Variants in LRRIQ1 observed in about 807,000 individuals in gnomAD.
LRRIQ1 encodes leucine rich repeats and IQ motif containing 1.
LRRIQ1 carries 210 observed loss-of-function variants against 211.9 expected under a neutral mutation model. The ratio of observed to expected loss-of-function variants is 0.99; its 90% CI spans 0.89 to 1.11. The LOEUF is 1.11. Ranked by LOEUF, LRRIQ1 falls within the 50% of genes most tolerant of loss-of-function variation. The pLI is 0.00. For missense variants in LRRIQ1, 2,136 were observed against 1,939.5 expected (o/e 1.10, Z -1.90); for synonymous variants, 699 against 650.1 (o/e 1.08, Z -1.14).
downstream of LRRIQ1, among the ~76,000 whole-genome samples, chr12:85,248,267 G>T (rs1272677752): frequency 8.6e-5 from 13 of 151,482 alleles, no homozygotes; most frequent in African/African-American, 3.1e-4. Context: ...TAACTAATTT[G>T]CTTTTCACAC....
At chr12:85,257,365 G>T (rs1393086671) in intron 1 of LRRIQ1, among the ~76,000 whole-genome samples, 2 of 147,996 alleles carry the variant, frequency 1.4e-5, no homozygotes, top group East Asian at 4.0e-4. Context: ...CCCTGAAGAG[G>T]ACATTAAAAA....
At chr12:85,183,054 A>G (rs1379250206) in intron 24 of LRRIQ1, among the ~76,000 whole-genome samples, 1 of 152,196 alleles carries the variant, frequency 6.6e-6, no homozygotes, top group Non-Finnish European at 1.5e-5. Flanking sequence ...GTTTCTTATT[A>G]TAAAATAAAA....
intron 19 of LRRIQ1, among the ~76,000 whole-genome samples, chr12:85,146,892 T>G (rs1254755350): frequency 2.6e-5 from 4 of 151,752 alleles, no homozygotes; most frequent in Non-Finnish European, 4.4e-5. Flanking sequence ...CCAGGAATAG[T>G]CAGGATAGAA....
chr12:85,188,846 T>C (rs1403970844), intron 24 of LRRIQ1, among the ~76,000 whole-genome samples: 2 of 152,160 alleles, frequency 1.3e-5, no homozygotes, highest in African/African-American at 4.8e-5. Context: ...AGTTCTTTAC[T>C]ATCACCTCTA....
At chr12:85,225,353 A>G (rs1328205141) in intron 24 of LRRIQ1, among the ~76,000 whole-genome samples, 1 of 152,176 alleles carries the variant, frequency 6.6e-6, no homozygotes, top group African/African-American at 2.4e-5. Context: ...CTATGTGTGT[A>G]AACTAAAGTC....
the LRRIQ1 span, among the ~76,000 whole-genome samples, chr12:85,271,281 T>C: frequency 6.6e-6 from 1 of 152,290 alleles, no homozygotes; most frequent in Admixed American, 6.5e-5. Flanking sequence ...GAATGTGAAA[T>C]TTTGAGAATC....
downstream of LRRIQ1, among the ~76,000 whole-genome samples, chr12:85,247,540 A>G (rs1895764442): frequency 6.6e-6 from 1 of 151,592 alleles, no homozygotes; most frequent in Non-Finnish European, 1.5e-5. Context: ...GTGTGCCCTT[A>G]GGTAAATTGT....
chr12:85,221,405 G>A (rs988551079), intron 24 of LRRIQ1, among the ~76,000 whole-genome samples: 7 of 152,032 alleles, frequency 4.6e-5, no homozygotes, highest in African/African-American at 1.7e-4. Flanking sequence ...TTAGACTGAT[G>A]GAAAAGTAAT....
chr12:85,212,228 A>G (rs991056624), intron 24 of LRRIQ1, among the ~76,000 whole-genome samples: 1 of 152,058 alleles, frequency 6.6e-6, no homozygotes, highest in Non-Finnish European at 1.5e-5. Context: ...GAGGCTGCAG[A>G]TGGTGCTGAG....
intron 8 of LRRIQ1, among the ~76,000 whole-genome samples, chr12:85,062,991 G>A (rs1592722169): frequency 6.6e-6 from 1 of 151,718 alleles, no homozygotes. Context: ...TTGGCCACGT[G>A]TATGTCTTCT....
intron 8 of LRRIQ1, among the ~76,000 whole-genome samples, chr12:85,058,427 A>G (rs1018997359): frequency 3.3e-5 from 5 of 151,964 alleles, no homozygotes; most frequent in African/African-American, 1.2e-4. Flanking sequence ...TGATAACATT[A>G]GCAATTATTT....
chr12:85,263,612 A>G (rs1418111422), exon 2 of LRRIQ1: 1 of 152,006 alleles, frequency 6.6e-6, no homozygotes, highest in African/African-American at 2.4e-5. Flanking sequence ...GTCAGTTTAA[A>G]TTAAAATAGA....
At chr12:85,101,028 G>GT (rs1886308295) in intron 13 of LRRIQ1, among the ~76,000 whole-genome samples, 1 of 151,692 alleles carries the variant, frequency 6.6e-6, no homozygotes, top group African/African-American at 2.4e-5. Context: ...CTGACCCTCA[G>GT]TTTTTTCTCA....
At position 85,056,517 on chromosome 12, in the gene LRRIQ1, T is replaced by A. The variant is rs150193613; in HGVS notation, c.1724T>A (p.Ile575Asn). The A allele has an allele frequency of 3.8e-5, 62 of 1,610,996 alleles. 1 individual carries two copies. The African/African-American group carries it at 6.7e-4, about 17-fold the overall frequency. ...AAAACCAATGAAGAGCAGAAAATAATCAAAGATAATCAGCAGAAAAAGATA... is the reference window on the plus strand; with the variant it reads ...AAAACCAATGAAGAGCAGAAAATAAACAAAGATAATCAGCAGAAAAAGATA... ...EVKTNEEQKI[I>N]KDNQQKKIQK... is the part of the protein sequence containing the mutation. The change falls in exon 8 of 27, where the codon ATC becomes AAC. Residue 575 changes from isoleucine to asparagine, a missense_variant. Transcript: ENST00000393217.
chr12:85,239,978 C>CA (rs956363200), intron 26 of LRRIQ1, among the ~76,000 whole-genome samples: 1 of 151,364 alleles, frequency 6.6e-6, no homozygotes. Flanking sequence ...ACCCTGACTC[C>CA]AAAAAAAGTA....
rs780129357 is a variant in LRRIQ1 at position 85,137,922 on chromosome 12, G to T, written c.4282G>T (p.Asp1428Tyr). The T allele has an allele frequency of 6.5e-7, 1 of 1,533,960 alleles. No individual in the cohort carries two copies. The highest frequency in any genetic ancestry group is 9.0e-7 in the Non-Finnish European group (1 of 1,112,140). Residue 1428 changes from aspartate to tyrosine, a missense_variant, in exon 19 of 27, where the codon GAT becomes TAT. By Grantham distance (160) the Asp-to-Tyr change is radical. Transcript: ENST00000393217. Reference sequence around the variant, plus strand: ...AGAGGCTATTAAGAATGAAGAATCCGATGAAGAATACAGAGAAATAGATTT... The same window carrying T: ...AGAGGCTATTAAGAATGAAGAATCCTATGAAGAATACAGAGAAATAGATTT... ...ALEAIKNEES[D>Y]EEYREIDLED...
At chr12:85,176,190 G>A (rs1211028593) in intron 24 of LRRIQ1, among the ~76,000 whole-genome samples, 1 of 151,982 alleles carries the variant, frequency 6.6e-6, no homozygotes, top group East Asian at 1.9e-4. Context: ...CATGAGCAGT[G>A]GTTTGTAGTT....
chr12:85,104,482 T>C (rs892707455), intron 14 of LRRIQ1, among the ~76,000 whole-genome samples: 1 of 151,950 alleles, frequency 6.6e-6, no homozygotes, highest in Non-Finnish European at 1.5e-5. Flanking sequence ...GTCAGTCCAC[T>C]CCTAGAGGCA....
At chr12:85,221,893 G>A (rs1008971356) in intron 24 of LRRIQ1, among the ~76,000 whole-genome samples, 1 of 152,184 alleles carries the variant, frequency 6.6e-6, no homozygotes, top group Non-Finnish European at 1.5e-5. Context: ...GCAGTATGGA[G>A]ATATATCTGT....
Sources: gnomAD v4.1 joint callset for allele counts (sites outside exome capture counted in the v4.1 genomes callset) on GRCh38, gnomAD v4.1.1 for gene constraint, MANE v1.5 for transcripts, NCBI Gene and HGNC (gene_info 2026-07-23, HGNC 2026-07-21) for gene names.